The following SLC12A6 variants were observed in gnomAD, a reference collection of about 807,000 sequenced individuals.
The protein encoded by SLC12A6 is K-Cl cotransporter 3.
In SLC12A6, 66 loss-of-function variants were observed where a neutral mutation model predicts 135.3. The ratio of observed to expected loss-of-function variants is 0.49; its 90% CI spans 0.40 to 0.60. The LOEUF (loss-of-function observed/expected upper bound fraction) is 0.60. Ranked by LOEUF, SLC12A6 falls within the 20% of genes least tolerant of loss-of-function variation. The probability of loss-of-function intolerance (pLI) is 0.00; values close to 1 mark genes in which losing one functional copy is unlikely to be tolerated. For synonymous variants in SLC12A6, 513 were observed against 508.8 expected (o/e 1.01, Z -0.11); for missense variants, 1,058 against 1,452.3 (o/e 0.73, Z 4.41).
At chr15:34,308,980 C>T (rs1480472086) in intron 2 of SLC12A6, among the ~76,000 whole-genome samples, 2 of 152,118 alleles carry the variant, frequency 1.3e-5, no homozygotes, top group Non-Finnish European at 2.9e-5. Context: ...CCAAATCTGT[C>T]ACTTAAATAA....
chr15:34,292,526 C>A (rs1895609834), intron 2 of SLC12A6, among the ~76,000 whole-genome samples: 1 of 152,218 alleles, frequency 6.6e-6, no homozygotes, highest in Admixed American at 6.5e-5. Flanking sequence ...CTCTTCAGAG[C>A]TGTCCAGGAG....
chr15:34,265,345 C>G (rs188133560), intron 3 of SLC12A6, among the ~76,000 whole-genome samples: 19 of 150,298 alleles, frequency 1.3e-4, no homozygotes, highest in African/African-American at 4.2e-4. Context: ...CCTGCCTTTA[C>G]TGTGCATATA....
intron 3 of SLC12A6, among the ~76,000 whole-genome samples, chr15:34,269,718 CTCT>C (rs1324826607): frequency 6.6e-6 from 1 of 151,554 alleles, no homozygotes; most frequent in African/African-American, 2.4e-5. Flanking sequence ...GTTTAACATG[CTCT>C]TTTTTTTTTT....
At chr15:34,303,908 G>A (rs909119466) in intron 2 of SLC12A6, among the ~76,000 whole-genome samples, 1 of 152,140 alleles carries the variant, frequency 6.6e-6, no homozygotes, top group Non-Finnish European at 1.5e-5. Context: ...TATTGTTATA[G>A]CAGCATGAAA....
chr15:34,247,481 C>T (rs1412315239), intron 13 of SLC12A6, among the ~76,000 whole-genome samples: 1 of 151,834 alleles, frequency 6.6e-6, no homozygotes, highest in Non-Finnish European at 1.5e-5. Flanking sequence ...TGCGCCACTG[C>T]ACTCCAGCCT....
In SLC12A6 at chr15:34,238,372, G is replaced by C; in HGVS notation, c.2662C>G (p.Leu888Val). ...ATGTTTTTAGCCACCAGCAGTGCAAGATGGGCAGCAGTTGTCACTCGAACT... is the reference window on the plus strand; with the variant it reads ...ATGTTTTTAGCCACCAGCAGTGCAACATGGGCAGCAGTTGTCACTCGAACT... ...GTVRVTTAAHLALLVAKNISF... is the reference protein window; with the variant it reads ...GTVRVTTAAHVALLVAKNISF... The change falls in exon 21 of 26, where the codon CTT becomes GTT. Residue 888 changes from leucine (L) to valine (V), a missense_variant. Leu to Val is a conservative substitution (Grantham distance 32, BLOSUM62 1). Around this residue, in one of 6 missense-constraint regions of SLC12A6, gnomAD observed 245 missense variants for 440.8 expected, o/e 0.56. Transcript: ENST00000354181. 13 of 1,613,932 alleles carry C rather than the reference G, an allele frequency of 8.1e-6. No individual in the cohort carries two copies. The highest frequency in any genetic ancestry group is 1.1e-5 in the Non-Finnish European group (13 of 1,179,792).
Position 34,252,237 on chromosome 15 carries a change from T to C in SLC12A6, c.1266A>G (p.Glu422=). Residue 422 remains glutamate (E), a synonymous_variant, in exon 10 of 26, where the codon GAA becomes GAG. Transcript: ENST00000354181. ...SSQFFNATCD[E]YFVHNNVTSI... ...AAGTGACGTTATTGTGAACAAAGTA[T>C]TCATCACAGGTGGCATTGAAAAATT... The C allele has an allele frequency of 6.2e-7, 1 of 1,609,564 alleles. No individual in the cohort carries two copies. Among genetic ancestry groups the C allele is most frequent in the Non-Finnish European group, 8.5e-7 (1 of 1,175,870 alleles).
At chr15:34,275,810 T>C (rs113149622) in intron 2 of SLC12A6, among the ~76,000 whole-genome samples, 2,357 of 152,282 alleles carry the variant, frequency 0.015, 70 homozygotes, top group African/African-American at 0.054. Context: ...TGTGACAACA[T>C]GGATGAACCT....
intron 2 of SLC12A6, among the ~76,000 whole-genome samples, chr15:34,322,401 C>T (rs1889158105): frequency 6.6e-6 from 1 of 151,718 alleles, no homozygotes; most frequent in South Asian, 2.1e-4. Flanking sequence ...AACAAAAACT[C>T]GTGCCTTCAC....
intron 3 of SLC12A6, among the ~76,000 whole-genome samples, chr15:34,262,152 T>C (rs1318869212): frequency 6.6e-6 from 1 of 152,170 alleles, no homozygotes; most frequent in Non-Finnish European, 1.5e-5. Context: ...TGAGAACCTC[T>C]CTTCCCGTTT....
At chr15:34,244,305 C>T (rs1367905498) in intron 15 of SLC12A6, among the ~76,000 whole-genome samples, 1 of 152,182 alleles carries the variant, frequency 6.6e-6, no homozygotes, top group Non-Finnish European at 1.5e-5. Flanking sequence ...TCCAGGTTTC[C>T]TCTTCCTTAC....
chr15:34,325,619 T>C (rs1889406692), intron 2 of SLC12A6, among the ~76,000 whole-genome samples: 1 of 152,164 alleles, frequency 6.6e-6, no homozygotes, highest in African/African-American at 2.4e-5. Flanking sequence ...CTTTGGTTGG[T>C]GATTTATATA....
Position 34,231,714 on chromosome 15 carries a change from C to CA in SLC12A6, c.*2166dup, listed in dbSNP as rs1372139342. ...ACGCCATTCTCCCGCCTCAGCCTCC[C>CA]AAGTAGCTGGGACTACAGGCGCCCG... On this transcript the variant is annotated 3_prime_UTR_variant, in exon 26 of 26. Coordinates refer to ENST00000354181, the MANE Select transcript of SLC12A6 (RefSeq NM_001365088.1). 1 of 151,946 alleles carries CA rather than the reference C, an allele frequency of 6.6e-6. No homozygotes were observed. The highest frequency in any genetic ancestry group is 1.5e-5 in the Non-Finnish European group (1 of 68,034). The allele number at this position is 151,946 out of a possible 1,614,324, so 9.4% of individuals were successfully genotyped here.
intron 2 of SLC12A6, among the ~76,000 whole-genome samples, chr15:34,299,015 A>AC (rs981229074): frequency 2.0e-5 from 3 of 152,132 alleles, no homozygotes; most frequent in Non-Finnish European, 4.4e-5. Context: ...CTGCCAGGAG[A>AC]CCCCAAACAT....
In SLC12A6 at chr15:34,245,810, T is replaced by A; in HGVS notation, c.1707A>T (p.Pro569=). Residue 569 remains proline, a synonymous_variant, in exon 14 of 26, where the codon CCA becomes CCT. Transcript: ENST00000354181. ...AGAAGGAGCCAATAACAATCACCCATGGGGATGGCCAAGATAAGGTGCCTA... is the reference window on the plus strand; with the variant it reads ...AGAAGGAGCCAATAACAATCACCCAAGGGGATGGCCAAGATAAGGTGCCTA... ...LVVGTLSWPS[P]WVIVIGSFFS... is the part of the protein sequence containing the mutation. 5 of 1,613,688 alleles carry A rather than the reference T, an allele frequency of 3.1e-6. 1 individual carries two copies. The South Asian group carries it at 5.5e-5, about 18-fold the overall frequency.
rs1481305771 is a variant in SLC12A6 at position 34,233,315 on chromosome 15, A to G, written c.*566T>C. ...ATGTTTTTGAAGAAGTAGAGGCTGC[A>G]GCCATGTTTCAAGTTAGTATCCTAA... On this transcript the variant is annotated 3_prime_UTR_variant, in exon 26 of 26. Transcript: ENST00000354181. 6.4e-6 allele frequency: 1 copy of G among 157,078 alleles called. No individual in the cohort carries two copies. The allele number at this position is 157,078 out of a possible 1,614,324, so 9.7% of individuals were successfully genotyped here.
At position 34,240,709 on chromosome 15, in the gene SLC12A6, G is replaced by A. The variant is rs771038983; in HGVS notation, c.2388C>T (p.Ile796=). ...GKGLTIVGSV[I]VGNFLENYGE... Reference sequence around the variant, plus strand: ...CGTAGTTCTCTAGGAAGTTCCCCACGATGACAGAGCCCACAATAGTGAGAC... The same window carrying A: ...CGTAGTTCTCTAGGAAGTTCCCCACAATGACAGAGCCCACAATAGTGAGAC... Residue 796 remains isoleucine (I), a synonymous_variant, in exon 19 of 26, where the codon ATC becomes ATT. Coordinates refer to ENST00000354181, the MANE Select transcript of SLC12A6 (RefSeq NM_001365088.1). 5 of 1,613,906 alleles carry A rather than the reference G, an allele frequency of 3.1e-6. No individual in the cohort carries two copies. The African/African-American group carries it at 5.3e-5, about 17-fold the overall frequency.
chr15:34,258,829 T>C lies in SLC12A6; in HGVS notation c.527A>G (p.Lys176Arg), dbSNP rs760732430. Residue 176 changes from lysine (K) to arginine (R), a missense_variant, in exon 5 of 26, where the codon AAA becomes AGA. This residue lies in a region of SLC12A6 where 139 missense variants were observed against 202.2 expected (regional missense o/e 0.69). Transcript: ENST00000354181. ...HEEAENITEG[K>R]KKPTKTPQMG... ...AGGCCTCACCTTGGTGGGCTTCTTT[T>C]TCCCTTCAGTGATGTTTTCTGCCTC... 1 of 1,613,674 alleles carries C rather than the reference T, an allele frequency of 6.2e-7. No individual in the cohort carries two copies. The highest frequency in any genetic ancestry group is 2.2e-5 in the East Asian group (1 of 44,874).
rs1890814095 is a variant in SLC12A6, at chr15:34,229,981, A to G, written c.*3900T>C. On this transcript the variant is annotated 3_prime_UTR_variant, in exon 26 of 26. Coordinates refer to ENST00000354181, the MANE Select transcript of SLC12A6 (RefSeq NM_001365088.1). ...ATTACGACAAACACAAAGAAACTAT[A>G]CCATAACCCAAGGCTGAAAATAATG... 2.4e-5 allele frequency: 15 copies of G among 621,064 alleles called. No homozygotes were observed. The East Asian group carries it at 4.3e-4, about 18-fold the overall frequency. 38.5% of individuals were successfully genotyped at this position (621,064 alleles called of 1,614,324 possible). A position where few individuals can be genotyped will look rare whatever the true frequency, so the allele number is the denominator to read the frequency against.
Sources: gnomAD v4.1 joint callset for allele counts (sites outside exome capture counted in the v4.1 genomes callset) on GRCh38, gnomAD v4.1.1 for gene constraint, gnomAD v4.1.1 regional missense constraint, MANE v1.5 for transcripts, NCBI Gene and HGNC (gene_info 2026-07-23, HGNC 2026-07-21) for gene names.